KCNQ4: variants seen among roughly 807,000 people sequenced by gnomAD.
KCNQ4 encodes the protein potassium voltage-gated channel subfamily Q member 4.
KCNQ4 carries 31 observed loss-of-function variants against 72.6 expected under a neutral mutation model. That is an observed-to-expected ratio of 0.43 (90% CI 0.32 to 0.58). The LOEUF (loss-of-function observed/expected upper bound fraction) is 0.58. Among genes scored for constraint, KCNQ4 ranks in the 20% least tolerant of loss-of-function variants. The pLI, the probability that KCNQ4 is intolerant of heterozygous loss-of-function variation, is 0.08. For synonymous variants in KCNQ4, 405 were observed against 403.7 expected (o/e 1.00, Z -0.04); for missense variants, 869 against 962.6 (o/e 0.90, Z 1.29).
chr1:40,788,300 G>A lies in KCNQ4; in HGVS notation c.314+3893G>A, dbSNP rs1168744687. Among the ~76,000 whole-genome samples, 3 of 152,150 alleles carry A rather than the reference G, an allele frequency of 2.0e-5. No individual in the cohort carries two copies. Among genetic ancestry groups the A allele is most frequent in the Admixed American group, 6.5e-5 (1 of 15,290 alleles). ...CTGGGAAATGAGTAGCAGATACAGC[G>A]GACTCTGTGCAGAGACCTCAGCTGG... On this transcript the variant is annotated intron_variant, in intron 1 of 13. Transcript: ENST00000347132. The surrounding 1 kb of genome is among the most constrained non-coding windows in gnomAD (Gnocchi z 4.5).
rs1648100636 is a variant in KCNQ4, at chr1:40,816,836, G to T, written c.315-429G>T. Among the ~76,000 whole-genome samples the T allele has an allele frequency of 2.0e-5, 3 of 152,350 alleles. No individual in the cohort carries two copies. The South Asian group carries it at 6.2e-4, about 32-fold the overall frequency. ...CCACTTTGGAGTGCATAAGAAAGAAGGTCCCTCCTTCATCCGCTGACCTTC... is the reference window on the plus strand; with the variant it reads ...CCACTTTGGAGTGCATAAGAAAGAATGTCCCTCCTTCATCCGCTGACCTTC... On this transcript the variant is annotated intron_variant, in intron 1 of 13. Transcript: ENST00000347132.
In KCNQ4 at chr1:40,794,479, C is replaced by T. The variant is rs1486916272; in HGVS notation, c.314+10072C>T. 6.6e-6 allele frequency among the ~76,000 whole-genome samples: 1 copy of T among 152,228 alleles called. No individual in the cohort carries two copies. Among genetic ancestry groups the T allele is most frequent in the Non-Finnish European group, 1.5e-5 (1 of 68,044 alleles). On this transcript the variant is annotated intron_variant, in intron 1 of 13. Coordinates refer to ENST00000347132, the MANE Select transcript of KCNQ4 (RefSeq NM_004700.4). This position sits in a 1 kb window ranked among gnomAD's most constrained non-coding sequence, Gnocchi z 4.2. ...AAGAGAAACACCACATACTAAGTTA[C>T]ACAGCTTGTCTGTGGTCGAGTCAAG... is the stretch of plus-strand genomic sequence containing the variant.
chr1:40,824,018 G>A (rs1648394063), intron 8 of KCNQ4, 79 bp from the exon 9 acceptor site: 2 of 1,499,142 alleles, frequency 1.3e-6, no homozygotes. Context: ...CAAGATCTGA[G>A]CTCAGGAGCT....
intron 13 of KCNQ4, among the ~76,000 whole-genome samples, 162 bp downstream of exon 13, chr1:40,837,956 C>T (rs1648854517): frequency 1.3e-5 from 2 of 151,840 alleles, no homozygotes; most frequent in South Asian, 4.2e-4. Context: ...GCCAGACATT[C>T]CCATAAACCC....
chr1:40,817,139 C>A lies in KCNQ4; in HGVS notation c.315-126C>A. ...GCTGTAACTCCAGGGAATTCCAATT[C>A]TGATTTCCACATAATTTTCTGAAAA... On this transcript the variant is annotated intron_variant, in intron 1 of 13. Coordinates refer to ENST00000347132, the MANE Select transcript of KCNQ4 (RefSeq NM_004700.4). The surrounding 1 kb of genome is among the most constrained non-coding windows in gnomAD (Gnocchi z 5.5). 1.3e-6 allele frequency: 1 copy of A among 785,658 alleles called. No individual in the cohort carries two copies. The highest frequency in any genetic ancestry group is 2.2e-6 in the Non-Finnish European group (1 of 456,912). The allele number at this position is 785,658 out of a possible 1,614,324, so 48.7% of individuals were successfully genotyped here. A position where few individuals can be genotyped will look rare whatever the true frequency, so the allele number is the denominator to read the frequency against.
intron 9 of KCNQ4, among the ~76,000 whole-genome samples, chr1:40,830,676 G>A (rs926929130): frequency 1.3e-4 from 20 of 152,032 alleles, no homozygotes; most frequent in African/African-American, 4.6e-4. Flanking sequence ...GTGAGCTTCC[G>A]ACCCTCAGCA....
chr1:40,799,432 G>GC (rs149663653), intron 1 of KCNQ4, among the ~76,000 whole-genome samples: 56,151 of 150,932 alleles, frequency 0.37, 10,626 homozygotes, highest in South Asian at 0.43. Context: ...TGTGGGCCAT[G>GC]CCCCCCCCCT....
intron 8 of KCNQ4, among the ~76,000 whole-genome samples, chr1:40,823,621 AG>A (rs1247482696): frequency 6.6e-6 from 1 of 152,200 alleles, no homozygotes. Flanking sequence ...AGAGTTAGGA[AG>A]AAGCCACGGT....
intron 1 of KCNQ4, among the ~76,000 whole-genome samples, chr1:40,802,244 A>G (rs1035864613): frequency 6.6e-5 from 10 of 152,116 alleles, no homozygotes; most frequent in Non-Finnish European, 8.8e-5. Flanking sequence ...GTGAGGTGGA[A>G]GGGCGAGGCC....
Position 40,817,125 on chromosome 1 carries a change from A to G in KCNQ4, c.315-140A>G. 1 of 725,644 alleles carries G rather than the reference A, an allele frequency of 1.4e-6. No individual in the cohort carries two copies. The highest frequency in any genetic ancestry group is 2.1e-5 in the Admixed American group (1 of 48,668). The allele number at this position is 725,644 out of a possible 1,614,324, so 45.0% of individuals were successfully genotyped here. A position where few individuals can be genotyped will look rare whatever the true frequency, so the allele number is the denominator to read the frequency against. ...GTGCCCAGCACAGAGCTGTAACTCC[A>G]GGGAATTCCAATTCTGATTTCCACA... On this transcript the variant is annotated intron_variant, in intron 1 of 13. Coordinates refer to ENST00000347132, the MANE Select transcript of KCNQ4 (RefSeq NM_004700.4). The surrounding 1 kb of genome is among the most constrained non-coding windows in gnomAD (Gnocchi z 5.5).
intron 1 of KCNQ4, among the ~76,000 whole-genome samples, chr1:40,816,118 T>G (rs1412382456): frequency 6.6e-6 from 1 of 152,138 alleles, no homozygotes; most frequent in Non-Finnish European, 1.5e-5. Flanking sequence ...TGAGGTGTTC[T>G]GCGTAGCATG....
At chr1:40,799,216 G>A (rs1325537077) in intron 1 of KCNQ4, among the ~76,000 whole-genome samples, 1 of 152,210 alleles carries the variant, frequency 6.6e-6, no homozygotes, top group Non-Finnish European at 1.5e-5. Flanking sequence ...GAGCTAGGGG[G>A]CAATGCTGGG....
In KCNQ4 at chr1:40,810,069, A is replaced by AC. The variant is rs1647881922; in HGVS notation, c.315-7196_315-7195insC. On this transcript the variant is annotated intron_variant, in intron 1 of 13. Coordinates refer to ENST00000347132, the MANE Select transcript of KCNQ4 (RefSeq NM_004700.4). ...AGTGAGACTCCGTCTCAAAAAAAAA[A>AC]AGAACTCTACAATGACTCCCCATTG... 2.0e-5 allele frequency among the ~76,000 whole-genome samples: 3 copies of AC among 150,828 alleles called. No homozygotes were observed. In the South Asian group the frequency reaches 6.3e-4, roughly 32 times the overall value.
chr1:40,824,400 C>T (rs1275160763), intron 9 of KCNQ4, 142 bp downstream of exon 9: 3 of 878,716 alleles, frequency 3.4e-6, no homozygotes, highest in Non-Finnish European at 5.2e-6. Context: ...CGTCAGAGGG[C>T]CAGACAGGTA....
chr1:40,822,290 C>A, intron 7 of KCNQ4, 24 bp from the exon 8 acceptor site: 3 of 1,598,440 alleles, frequency 1.9e-6, no homozygotes, highest in Non-Finnish European at 2.6e-6. Context: ...GATGCCCCAT[C>A]CCCCACGTCC....
intron 1 of KCNQ4, among the ~76,000 whole-genome samples, chr1:40,812,761 G>T (rs1364089099): frequency 6.6e-6 from 1 of 152,220 alleles, no homozygotes; most frequent in Non-Finnish European, 1.5e-5. Context: ...AGGAGTCAGG[G>T]ATGGATGTGC....
In KCNQ4 at chr1:40,784,473, GC is replaced by G; in HGVS notation, c.314+70del. On this transcript the variant is annotated intron_variant, in intron 1 of 13. Coordinates refer to ENST00000347132, the MANE Select transcript of KCNQ4 (RefSeq NM_004700.4). This position sits in a 1 kb window ranked among gnomAD's most constrained non-coding sequence, Gnocchi z 4.1. ...AAGCCTGGCCTCCCGGGGCACGGCCGCCCCGCCCTGGCTCCGCCTTCTACCC... is the reference window on the plus strand; with the variant it reads ...AAGCCTGGCCTCCCGGGGCACGGCCGCCCGCCCTGGCTCCGCCTTCTACCC... 1 of 1,494,158 alleles carries G rather than the reference GC, an allele frequency of 6.7e-7. No homozygotes were observed. Among genetic ancestry groups the G allele is most frequent in the Non-Finnish European group, 9.2e-7 (1 of 1,086,380 alleles). The allele number at this position is 1,494,158 out of a possible 1,614,324, so 92.6% of individuals were successfully genotyped here.
intron 1 of KCNQ4, among the ~76,000 whole-genome samples, chr1:40,814,920 G>A (rs2148315042): frequency 6.6e-6 from 1 of 151,914 alleles, no homozygotes; most frequent in Admixed American, 6.6e-5. Flanking sequence ...AAATTTTATA[G>A]ATGTGTAATT....
At chr1:40,798,227 A>G (rs1406060027) in intron 1 of KCNQ4, among the ~76,000 whole-genome samples, 2 of 152,194 alleles carry the variant, frequency 1.3e-5, no homozygotes, top group African/African-American at 2.4e-5. Flanking sequence ...ACCCAGGCTC[A>G]GTCCAAGCAT....
Sources: allele counts gnomAD v4.1 joint callset (sites outside exome capture counted in the v4.1 genomes callset), GRCh38; gene constraint gnomAD v4.1.1; non-coding constraint Gnocchi (gnomAD v3.1); transcripts MANE v1.5; gene names NCBI Gene and HGNC (gene_info 2026-07-23, HGNC 2026-07-21).